The following PTX3 variants were observed in gnomAD, a reference collection of about 807,000 sequenced individuals.
PTX3 encodes pentraxin-related protein PTX3.
In PTX3, 24 loss-of-function variants were observed where a neutral mutation model predicts 23.5. The observed-to-expected ratio is 1.02, with a 90% confidence interval of 0.74 to 1.43. PTX3 has a LOEUF of 1.43. Among genes scored for constraint, PTX3 ranks in the 40% most tolerant of loss-of-function variants. The pLI is 0.00. For synonymous variants in PTX3, 218 were observed against 205.4 expected (o/e 1.06, Z -0.53); for missense variants, 510 against 497.5 (o/e 1.02, Z -0.24).
At chr3:157,438,030 C>A (rs1379771843) in intron 2 of PTX3, 116 bp downstream of exon 2, 1 of 817,922 alleles carries the variant, frequency 1.2e-6, no homozygotes, top group Non-Finnish European at 1.8e-6. Flanking sequence ...AGCGCGCGCG[C>A]GCGCGCGCAC....
Position 157,437,823 on chromosome 3 carries a change from C to T in PTX3, c.441C>T (p.Arg147=), listed in dbSNP as rs750651340. 1.6e-5 allele frequency: 24 copies of T among 1,465,384 alleles called. No individual in the cohort carries two copies. The highest frequency in any genetic ancestry group is 3.0e-5 in the African/African-American group (2 of 67,176). 90.8% of individuals were successfully genotyped at this position (1,465,384 alleles called of 1,614,324 possible). A position where few individuals can be genotyped will look rare whatever the true frequency, so the allele number is the denominator to read the frequency against. The change falls in exon 2 of 3, where the codon CGC becomes CGT. Residue 147 remains arginine, a synonymous_variant. Coordinates refer to ENST00000295927, the MANE Select transcript of PTX3 (RefSeq NM_002852.4). ...AEAQRPEEAG[R]ALAAVLEELR... ...CGCAGCGCCCAGAGGAGGCGGGGCG[C>T]GCCCTGGCCGCGGTGCTAGAGGAGC...
At chr3:157,437,205 A>C (rs1365102336) in intron 1 of PTX3, 142 bp downstream of exon 1, 6 of 1,180,018 alleles carry the variant, frequency 5.1e-6, no homozygotes, top group Non-Finnish European at 7.4e-6. Flanking sequence ...CACTTGAAGA[A>C]AGATGGAGGT....
At chr3:157,438,037 G>GCGCGCACA (rs1553786688) in intron 2 of PTX3, 123 bp downstream of exon 2, 13 of 516,028 alleles carry the variant, frequency 2.5e-5, no homozygotes, top group South Asian at 2.2e-4. Context: ...GCGCGCGCGC[G>GCGCGCACA]CACACACACA....
At position 157,442,438 on chromosome 3, in the gene PTX3, T is replaced by G; in HGVS notation, c.605T>G (p.Met202Arg). 2 of 1,614,204 alleles carry G rather than the reference T, an allele frequency of 1.2e-6. No homozygotes were observed. The highest frequency in any genetic ancestry group is 1.7e-6 in the Non-Finnish European group (2 of 1,180,004). Residue 202 changes from methionine (M) to arginine (R), a missense_variant, in exon 3 of 3, where the codon ATG becomes AGG. Met to Arg is a moderately conservative substitution (Grantham distance 91). Transcript: ENST00000295927. ...IFGSVHPVRP[M>R]RLESFSACIW... ...GGAAGCGTGCATCCAGTGAGACCAA[T>G]GAGGCTTGAGTCTTTTAGTGCCTGC...
chr3:157,441,759 G>A (rs930361610), intron 2 of PTX3, among the ~76,000 whole-genome samples: 2 of 151,182 alleles, frequency 1.3e-5, no homozygotes, highest in African/African-American at 4.9e-5. Flanking sequence ...GCCGTGAGTC[G>A]AGATCGCACT....
chr3:157,437,039 A>G lies in PTX3; in HGVS notation c.106A>G (p.Asn36Asp). 1 of 1,614,030 alleles carries G rather than the reference A, an allele frequency of 6.2e-7. No individual in the cohort carries two copies. The highest frequency in any genetic ancestry group is 1.7e-5 in the Admixed American group (1 of 60,018). The change falls in exon 1 of 3, where the codon AAT (asparagine) becomes GAT (aspartate). Residue 36 changes from asparagine to aspartate, a missense_variant. Asn to Asp is a conservative substitution (Grantham distance 23). Transcript: ENST00000295927. ...MYVNLDNEIDNGLHPTEDPTP... is the reference protein window; with the variant it reads ...MYVNLDNEIDDGLHPTEDPTP... ...TGTGAATTTGGACAACGAAATAGAC[A>G]ATGGACTCCATCCCACTGAGGACCG...
chr3:157,442,486 T>C lies in PTX3; in HGVS notation c.653T>C (p.Val218Ala). 6.2e-7 allele frequency: 1 copy of C among 1,614,148 alleles called. No homozygotes were observed. Residue 218 changes from valine (V) to alanine (A), a missense_variant, in exon 3 of 3, where the codon GTA (valine) becomes GCA (alanine). Transcript: ENST00000295927. ...SACIWVKATD[V>A]LNKTILFSYG... is the part of the protein sequence containing the mutation. The stretch of plus-strand genomic sequence containing the variant: ...TGCATTTGGGTCAAAGCCACAGATG[T>C]ATTAAACAAAACCATCCTGTTTTCC...
chr3:157,437,699 G>C lies in PTX3; in HGVS notation c.317G>C (p.Gly106Ala). The change falls in exon 2 of 3, where the codon GGG becomes GCG. Residue 106 changes from glycine (G) to alanine (A), a missense_variant. Physicochemically the swap from Gly to Ala is moderately conservative, Grantham distance 60 (BLOSUM62 0). Transcript: ENST00000295927. ...AGCCTGGCGAGGCCGTGCGCGCCGG[G>C]GGCTCCCGCAGAGGCCAGGCTGACC... is the stretch of plus-strand genomic sequence containing the variant. ...AESLARPCAPGAPAEARLTSA... is the reference protein window; with the variant it reads ...AESLARPCAPAAPAEARLTSA... 1 of 1,532,398 alleles carries C rather than the reference G, an allele frequency of 6.5e-7. No individual in the cohort carries two copies. The highest frequency in any genetic ancestry group is 8.7e-7 in the Non-Finnish European group (1 of 1,144,278). The allele number at this position is 1,532,398 out of a possible 1,614,324, so 94.9% of individuals were successfully genotyped here. A position where few individuals can be genotyped will look rare whatever the true frequency, so the allele number is the denominator to read the frequency against.
At chr3:157,439,977 C>T (rs943469827) in intron 2 of PTX3, among the ~76,000 whole-genome samples, 2 of 152,132 alleles carry the variant, frequency 1.3e-5, no homozygotes, top group African/African-American at 2.4e-5. Flanking sequence ...GTCTCGATCT[C>T]CTGACCTTGT....
intron 2 of PTX3, among the ~76,000 whole-genome samples, chr3:157,438,956 G>A (rs6806952): frequency 0.05 from 7,679 of 152,218 alleles, 667 homozygotes; most frequent in African/African-American, 0.17. Flanking sequence ...GCTGGATGGG[G>A]AGGGGGAAGA....
rs748466924 is a variant in PTX3 at position 157,442,595 on chromosome 3, C to G, written c.762C>G (p.Asn254Lys). ...SIVFVVGGEENKLVAEAMVSL... is the reference protein window; with the variant it reads ...SIVFVVGGEEKKLVAEAMVSL... ...TGTTTGTGGTGGGTGGAGAGGAGAACAAACTGGTTGCTGAAGCCATGGTTT... is the reference window on the plus strand; with the variant it reads ...TGTTTGTGGTGGGTGGAGAGGAGAAGAAACTGGTTGCTGAAGCCATGGTTT... The change falls in exon 3 of 3, where the codon AAC becomes AAG. Residue 254 changes from asparagine to lysine, a missense_variant. Coordinates refer to ENST00000295927, the MANE Select transcript of PTX3 (RefSeq NM_002852.4). 3.0e-5 allele frequency: 48 copies of G among 1,614,080 alleles called. No homozygotes were observed. The highest frequency in any genetic ancestry group is 3.9e-5 in the Non-Finnish European group (46 of 1,180,042).
In PTX3 at chr3:157,442,954, A is replaced by G. The variant is rs370501633; in HGVS notation, c.1121A>G (p.His374Arg). 8.6e-5 allele frequency: 138 copies of G among 1,612,248 alleles called. No individual in the cohort carries two copies. Among genetic ancestry groups the G allele is most frequent in the Non-Finnish European group, 1.1e-4 (133 of 1,178,906 alleles). Residue 374 changes from histidine to arginine, a missense_variant, in exon 3 of 3, where the codon CAT becomes CGT. Physicochemically the swap from His to Arg is conservative, Grantham distance 29. Coordinates refer to ENST00000295927, the MANE Select transcript of PTX3 (RefSeq NM_002852.4). Reference sequence around the variant, plus strand: ...TGGGGAGTCACAGAGATCCAGCCACATGGAGGAGCTCAGTATGTTTCATAA... The same window carrying G: ...TGGGGAGTCACAGAGATCCAGCCACGTGGAGGAGCTCAGTATGTTTCATAA... ...VGWGVTEIQP[H>R]GGAQYVS is the part of the protein sequence containing the mutation.
Position 157,443,046 on chromosome 3 carries a change from G to T in PTX3, c.*67G>T. On this transcript the variant is annotated 3_prime_UTR_variant, in exon 3 of 3. Transcript: ENST00000295927. The stretch of plus-strand genomic sequence containing the variant: ...ACTTAAAACACATGCCAGTTGGGAA[G>T]GTCTGAAAACTCAGTGCATAATAGG... The T allele has an allele frequency of 6.6e-7, 1 of 1,525,738 alleles. No homozygotes were observed. The highest frequency in any genetic ancestry group is 8.8e-7 in the Non-Finnish European group (1 of 1,139,350). The allele number at this position is 1,525,738 out of a possible 1,614,324, so 94.5% of individuals were successfully genotyped here. A position where few individuals can be genotyped will look rare whatever the true frequency, so the allele number is the denominator to read the frequency against.
rs903833936 is a variant in PTX3, at chr3:157,442,254, A to C, written c.533-112A>C. The C allele has an allele frequency of 1.9e-5, 20 of 1,025,978 alleles. No homozygotes were observed. The East Asian group carries it at 5.0e-4, about 26-fold the overall frequency. 63.6% of individuals were successfully genotyped at this position (1,025,978 alleles called of 1,614,324 possible). A position where few individuals can be genotyped will look rare whatever the true frequency, so the allele number is the denominator to read the frequency against. Reference sequence around the variant, plus strand: ...CTTAAGTCGTAATGTAGGGTTTCACATAGCTTTCAATTGTAATAATTAAAA... The same window carrying C: ...CTTAAGTCGTAATGTAGGGTTTCACCTAGCTTTCAATTGTAATAATTAAAA... On this transcript the variant is annotated intron_variant, in intron 2 of 2. Transcript: ENST00000295927.
Position 157,443,132 on chromosome 3 carries a change from C to A in PTX3, c.*153C>A. On this transcript the variant is annotated 3_prime_UTR_variant, in exon 3 of 3. Coordinates refer to ENST00000295927, the MANE Select transcript of PTX3 (RefSeq NM_002852.4). ...AATCTTTATTTGTACTGGCCAAATA[C>A]TGAATAAACAGTTGAAGGAAAGACA... The A allele has an allele frequency of 1.2e-6, 1 of 861,480 alleles. No homozygotes were observed. Among genetic ancestry groups the A allele is most frequent in the Non-Finnish European group, 1.7e-6 (1 of 582,216 alleles). 53.4% of individuals were successfully genotyped at this position (861,480 alleles called of 1,614,324 possible).
chr3:157,438,020 AGCGCGCGCGC>A (rs113324549), intron 2 of PTX3, 106 bp downstream of exon 2: 11 of 836,860 alleles, frequency 1.3e-5, no homozygotes, highest in East Asian at 7.3e-5. Context: ...TTTCATGGGA[AGCGCGCGCGC>A]GCGCGCGCAC....
At position 157,442,862 on chromosome 3, in the gene PTX3, T is replaced by C. The variant is rs892442279; in HGVS notation, c.1029T>C (p.Leu343=). The change falls in exon 3 of 3, where the codon CTT becomes CTC. Residue 343 remains leucine (L), a synonymous_variant. Transcript: ENST00000295927. The stretch of plus-strand genomic sequence containing the variant: ...GCTTCAATATCTGGGATAGTGTTCT[T>C]AGCAATGAAGAGATAAGAGAGACCG... ...LTGFNIWDSV[L]SNEEIRETGG... is the part of the protein sequence containing the mutation. 15 of 1,614,050 alleles carry C rather than the reference T, an allele frequency of 9.3e-6. No homozygotes were observed. The African/African-American group carries it at 1.6e-4, about 17-fold the overall frequency.
At chr3:157,439,713 C>T (rs1266630327) in intron 2 of PTX3, among the ~76,000 whole-genome samples, 1 of 152,174 alleles carries the variant, frequency 6.6e-6, no homozygotes, top group Non-Finnish European at 1.5e-5. Context: ...GAGGAAATCA[C>T]TTAATTCGAT....
At chr3:157,439,890 A>G (rs981513276) in intron 2 of PTX3, among the ~76,000 whole-genome samples, 2 of 152,132 alleles carry the variant, frequency 1.3e-5, no homozygotes, top group Non-Finnish European at 2.9e-5. Context: ...AGCTGGGACT[A>G]CAGGTGCTCG....
Sources: gnomAD v4.1 joint callset for allele counts (sites outside exome capture counted in the v4.1 genomes callset) on GRCh38, gnomAD v4.1.1 for gene constraint, MANE v1.5 for transcripts, NCBI Gene and HGNC (gene_info 2026-07-23, HGNC 2026-07-21) for gene names.